Variants in NASP observed in about 807,000 individuals in gnomAD.
NASP encodes NASP histone chaperone.
Under a neutral mutation model 89.5 loss-of-function variants are expected in NASP, and 24 were observed. The ratio of observed to expected loss-of-function variants is 0.27; its 90% CI spans 0.19 to 0.38. NASP has a LOEUF of 0.38. Ranked by LOEUF, NASP falls within the 10% of genes least tolerant of loss-of-function variation. The pLI, the probability that NASP is intolerant of heterozygous loss-of-function variation, is 1.00. For missense variants in NASP, 848 were observed against 921.4 expected (o/e 0.92, Z 1.03); for synonymous variants, 306 against 324.7 (o/e 0.94, Z 0.62).
At chr1:45,617,118 T>C (rs1644120607) in intron 13 of NASP, 1 of 308,008 alleles carries the variant, frequency 3.2e-6, no homozygotes, top group South Asian at 3.5e-5. Flanking sequence ...GCTGGGATTA[T>C]AAGCGTGAGC....
chr1:45,612,612 ATG>A (rs1244253962), intron 6 of NASP: 1 of 152,284 alleles, frequency 6.6e-6, no homozygotes, highest in Non-Finnish European at 1.5e-5. Context: ...CAAATTCTGT[ATG>A]TGCTAGAGCT....
At chr1:45,613,938 C>G (rs772717747) in intron 7 of NASP, among the ~76,000 whole-genome samples, 158 bp from the exon 8 acceptor site, 62 of 152,148 alleles carry the variant, frequency 4.1e-4, no homozygotes, top group Non-Finnish European at 6.8e-4. Flanking sequence ...GTGACATGGT[C>G]ATGACTTAAG....
At chr1:45,605,538 CTGCATCCTTCATCT>C (rs1643896519) in intron 4 of NASP, 1 of 152,304 alleles carries the variant, frequency 6.6e-6, no homozygotes, top group Non-Finnish European at 1.5e-5. Context: ...TCTCGGCTCA[CTGCATCCTTCATCT>C]TCCGGGTTCA....
rs533678543 is a variant in NASP, at chr1:45,616,276, C to A, written c.2023-61C>A. 4.1e-6 allele frequency: 6 copies of A among 1,480,616 alleles called. No homozygotes were observed. The Admixed American group carries it at 6.7e-5, about 17-fold the overall frequency. The allele number at this position is 1,480,616 out of a possible 1,614,324, so 91.7% of individuals were successfully genotyped here. On this transcript the variant is annotated intron_variant, in intron 11 of 14. Transcript: ENST00000350030. ...TTTGGATGGTGATGGGTTCCTGTTA[C>A]AAGGCTGTGGGCGGCCTGGGTTCTA...
At chr1:45,604,083 C>T (rs1643882497) in intron 3 of NASP, among the ~76,000 whole-genome samples, 1 of 152,060 alleles carries the variant, frequency 6.6e-6, no homozygotes, top group Non-Finnish European at 1.5e-5. Flanking sequence ...TTTGAGATGT[C>T]TTATTCTAAT....
Position 45,588,545 on chromosome 1 carries a change from AT to A in NASP, c.60-2675del, listed in dbSNP as rs1191215430. 7.4e-6 allele frequency: 3 copies of A among 407,274 alleles called. No individual in the cohort carries two copies. The East Asian group carries it at 2.5e-4, about 35-fold the overall frequency. 25.2% of individuals were successfully genotyped at this position (407,274 alleles called of 1,614,324 possible). On this transcript the variant is annotated intron_variant, in intron 1 of 14. Coordinates refer to ENST00000350030, the MANE Select transcript of NASP (RefSeq NM_002482.4). ...ATTATAGCTGTGAGCCTAGCCTTGAATTTCTGTTAGCAATGTATGGGAGTAC... is the reference window on the plus strand; with the variant it reads ...ATTATAGCTGTGAGCCTAGCCTTGAATTCTGTTAGCAATGTATGGGAGTAC...
chr1:45,594,933 T>C (rs1424967994), intron 2 of NASP, among the ~76,000 whole-genome samples: 1 of 152,214 alleles, frequency 6.6e-6, no homozygotes, highest in Non-Finnish European at 1.5e-5. Flanking sequence ...GATTGGCAGT[T>C]ATACCGCATT....
At chr1:45,584,227 T>A in intron 1 of NASP, 22 bp downstream of exon 1, 1 of 1,570,384 alleles carries the variant, frequency 6.4e-7, no homozygotes, top group Non-Finnish European at 8.6e-7. Context: ...TGTGGAAAGC[T>A]TAAGGCACTG....
intron 1 of NASP, among the ~76,000 whole-genome samples, chr1:45,588,342 G>A (rs1290207063): frequency 1.3e-5 from 2 of 152,150 alleles, no homozygotes; most frequent in Non-Finnish European, 2.9e-5. Flanking sequence ...GACCTCAGGT[G>A]ATCCACTCAC....
At chr1:45,593,804 A>T (rs1643615472) in intron 2 of NASP, among the ~76,000 whole-genome samples, 1 of 150,530 alleles carries the variant, frequency 6.6e-6, no homozygotes, top group Non-Finnish European at 1.5e-5. Context: ...GGATCACATG[A>T]CCCCAGGAGT....
chr1:45,609,170 CTT>C (rs1461238139), intron 6 of NASP: 1 of 152,208 alleles, frequency 6.6e-6, no homozygotes, highest in South Asian at 2.1e-4. Context: ...GCACGTCTGA[CTT>C]TTGCTATCAT....
chr1:45,598,639 T>A (rs1643757999), intron 2 of NASP, among the ~76,000 whole-genome samples: 1 of 152,186 alleles, frequency 6.6e-6, no homozygotes. Context: ...AATTTCTCCC[T>A]TTTAATATCT....
chr1:45,596,573 C>T (rs1338868681), intron 2 of NASP, among the ~76,000 whole-genome samples: 2 of 152,146 alleles, frequency 1.3e-5, no homozygotes, highest in Non-Finnish European at 2.9e-5. Flanking sequence ...GCTGCTGTGA[C>T]GTTGGGTTTA....
At chr1:45,613,673 T>C (rs1644055222) in intron 7 of NASP, among the ~76,000 whole-genome samples, 1 of 152,270 alleles carries the variant, frequency 6.6e-6, no homozygotes, top group African/African-American at 2.4e-5. Flanking sequence ...TTATTTTGTT[T>C]AGACGGCTGT....
Position 45,608,347 on chromosome 1 carries a change from A to AT in NASP, c.1426+11dup. On this transcript the variant is annotated intron_variant, in intron 6 of 14. Transcript: ENST00000350030. The stretch of plus-strand genomic sequence containing the variant: ...ATGAAAGAGGGTGAAGGTAACCGGG[A>AT]TATGCAAGAGCTGCAGTGGGTGGAG... 6.3e-7 allele frequency: 1 copy of AT among 1,594,086 alleles called. No homozygotes were observed. Among genetic ancestry groups the AT allele is most frequent in the East Asian group, 2.3e-5 (1 of 44,024 alleles).
At chr1:45,608,462 A>G in intron 6 of NASP, 125 bp downstream of exon 6, 1 of 964,002 alleles carries the variant, frequency 1.0e-6, no homozygotes, top group Non-Finnish European at 1.6e-6. Flanking sequence ...AAAGGGCTAA[A>G]TGAAAAGGGG....
At chr1:45,596,206 G>A (rs115472029) in intron 2 of NASP, among the ~76,000 whole-genome samples, 3 of 152,146 alleles carry the variant, frequency 2.0e-5, no homozygotes, top group African/African-American at 7.2e-5. Flanking sequence ...TACTTTGACT[G>A]TTCTGATGAA....
At chr1:45,600,642 G>C (rs1428668625) in intron 2 of NASP, among the ~76,000 whole-genome samples, 1 of 152,204 alleles carries the variant, frequency 6.6e-6, no homozygotes, top group East Asian at 1.9e-4. Flanking sequence ...TAAAGCTGCT[G>C]TGAATATTTG....
At chr1:45,588,147 A>G (rs1055710567) in intron 1 of NASP, among the ~76,000 whole-genome samples, 3 of 152,108 alleles carry the variant, frequency 2.0e-5, no homozygotes, top group Non-Finnish European at 2.9e-5. Flanking sequence ...TCCGTTGCTC[A>G]GGCTGGAGTG....
Sources: gnomAD v4.1 joint callset for allele counts (sites outside exome capture counted in the v4.1 genomes callset) on GRCh38, gnomAD v4.1.1 for gene constraint, MANE v1.5 for transcripts, NCBI Gene and HGNC (gene_info 2026-07-23, HGNC 2026-07-21) for gene names.